The following DGKG variants were observed in gnomAD, a reference collection of about 807,000 sequenced individuals.
DGKG encodes the protein DAG kinase gamma.
In DGKG, 78 loss-of-function variants were observed where a neutral mutation model predicts 105.3. The ratio of observed to expected loss-of-function variants is 0.74; its 90% CI spans 0.62 to 0.89. The LOEUF (loss-of-function observed/expected upper bound fraction) is 0.89. Ranked by LOEUF, DGKG falls within the 40% of genes least tolerant of loss-of-function variation. DGKG has a pLI of 0.00. For synonymous variants in DGKG, 346 were observed against 367.1 expected (o/e 0.94, Z 0.66); for missense variants, 958 against 1,020.1 (o/e 0.94, Z 0.83).
At chr3:186,205,904 A>T (rs1172679794) in intron 21 of DGKG, among the ~76,000 whole-genome samples, 4 of 152,096 alleles carry the variant, frequency 2.6e-5, no homozygotes, top group African/African-American at 4.8e-5. Context: ...AAAAAAATTA[A>T]AAAAATCCTC....
intron 1 of DGKG, among the ~76,000 whole-genome samples, chr3:186,338,090 A>G (rs1403649059): frequency 6.6e-6 from 1 of 150,544 alleles, no homozygotes; most frequent in Non-Finnish European, 1.5e-5. Flanking sequence ...GGATCCCTTG[A>G]GCCCAGGAGA....
At chr3:186,161,169 C>G in intron 24 of DGKG, 2 of 992,142 alleles carry the variant, frequency 2.0e-6, no homozygotes, top group Non-Finnish European at 2.4e-6. Flanking sequence ...GCTACCCTAC[C>G]AAATTCTAGG....
At chr3:186,357,183 A>G (rs4234593) in intron 1 of DGKG, among the ~76,000 whole-genome samples, 147,795 of 152,238 alleles carry the variant, frequency 0.97, 71,783 homozygotes, top group Middle Eastern at 1. Flanking sequence ...CACACTATGG[A>G]TGGGTTCCTT....
At chr3:186,333,773 A>G (rs541821060) in intron 1 of DGKG, among the ~76,000 whole-genome samples, 2 of 152,300 alleles carry the variant, frequency 1.3e-5, no homozygotes, top group South Asian at 4.1e-4. Flanking sequence ...AGCCCTGGGC[A>G]TGAGTATGGG....
intron 10 of DGKG, among the ~76,000 whole-genome samples, chr3:186,274,941 T>C (rs1217561925): frequency 2.0e-5 from 3 of 152,196 alleles, no homozygotes; most frequent in African/African-American, 7.2e-5. Flanking sequence ...TTTCTAGTTC[T>C]AGATCCTTGA....
At chr3:186,299,536 GGAAC>G (rs1723768030) in intron 3 of DGKG, among the ~76,000 whole-genome samples, 1 of 152,118 alleles carries the variant, frequency 6.6e-6, no homozygotes, top group Admixed American at 6.5e-5. Context: ...CCAGATTAGG[GGAAC>G]TCCAAGCAAA....
Position 186,320,548 on chromosome 3 carries a change from T to G in DGKG, c.-89A>C. On this transcript the variant is annotated 5_prime_UTR_variant, in exon 2 of 25. Transcript: ENST00000265022. ...AGGCCCAGCCCAGGGCCTGGCTCAT[T>G]GCAGGTTTGCGATGTAAGCCTTTCA... The G allele has an allele frequency of 1.9e-6, 3 of 1,605,100 alleles. No individual in the cohort carries two copies. The highest frequency in any genetic ancestry group is 1.7e-6 in the Non-Finnish European group (2 of 1,174,860).
At chr3:186,299,293 A>G (rs1723750672) in intron 3 of DGKG, among the ~76,000 whole-genome samples, 1 of 152,212 alleles carries the variant, frequency 6.6e-6, no homozygotes, top group South Asian at 2.1e-4. Flanking sequence ...TGTTGGTAGC[A>G]TTTAACCCCT....
intron 13 of DGKG, 112 bp downstream of exon 13, chr3:186,267,573 C>A: frequency 1.2e-6 from 1 of 817,656 alleles, no homozygotes; most frequent in Non-Finnish European, 2.1e-6. Flanking sequence ...AAAACACAAA[C>A]CCAAAGAGTT....
chr3:186,355,403 TCAC>T (rs148873242), intron 1 of DGKG, among the ~76,000 whole-genome samples: 4,070 of 124,994 alleles, frequency 0.033, 65 homozygotes, highest in Middle Eastern at 0.054. Flanking sequence ...ATCACCACTA[TCAC>T]CACCACCACC....
intron 22 of DGKG, among the ~76,000 whole-genome samples, chr3:186,180,442 A>G (rs1305048602): frequency 6.6e-6 from 1 of 152,158 alleles, no homozygotes; most frequent in East Asian, 1.9e-4. Flanking sequence ...CCCAGTGCAC[A>G]CACCCATAGT....
At chr3:186,193,260 C>T (rs989834361) in intron 21 of DGKG, among the ~76,000 whole-genome samples, 2 of 152,222 alleles carry the variant, frequency 1.3e-5, no homozygotes, top group African/African-American at 4.8e-5. Context: ...GGGTTTAAAT[C>T]TTGGCTCTGT....
intron 22 of DGKG, among the ~76,000 whole-genome samples, chr3:186,185,065 A>T (rs1413853183): frequency 6.6e-6 from 1 of 152,198 alleles, no homozygotes; most frequent in Non-Finnish European, 1.5e-5. Context: ...ACTGAGACCC[A>T]AGAAGGGGAA....
intron 13 of DGKG, among the ~76,000 whole-genome samples, chr3:186,266,863 C>T (rs1553810137): frequency 6.6e-6 from 1 of 152,172 alleles, no homozygotes; most frequent in Non-Finnish European, 1.5e-5. Context: ...TCCCAAAGTG[C>T]CGGGATTACA....
chr3:186,229,824 G>A (rs1720054429), intron 20 of DGKG, among the ~76,000 whole-genome samples: 1 of 152,234 alleles, frequency 6.6e-6, no homozygotes, highest in Non-Finnish European at 1.5e-5. Context: ...ATTTAGTTCA[G>A]TGGATCCTGA....
In DGKG at chr3:186,310,556, A is replaced by G. The variant is rs554361035; in HGVS notation, c.68-3579T>C. Among the ~76,000 whole-genome samples, 13 of 152,324 alleles carry G rather than the reference A, an allele frequency of 8.5e-5. No homozygotes were observed. The South Asian group carries it at 2.7e-3, about 32-fold the overall frequency. On this transcript the variant is annotated intron_variant, in intron 2 of 24. Coordinates refer to ENST00000265022, the MANE Select transcript of DGKG (RefSeq NM_001346.3). ...CATGAGGAGTAAGTAGGTATTATGC[A>G]TGACTAATCTGCTTCAGTGACAGCT...
chr3:186,231,545 G>A lies in DGKG; in HGVS notation c.1826+10959C>T, dbSNP rs1720153319. 6.6e-6 allele frequency among the ~76,000 whole-genome samples: 1 copy of A among 152,186 alleles called. No individual in the cohort carries two copies. Among genetic ancestry groups the A allele is most frequent in the East Asian group, 1.9e-4 (1 of 5,202 alleles). The stretch of plus-strand genomic sequence containing the variant: ...ATGATGGCTACTATTGTTGGTATGG[G>A]TTGGAGCAGGACTGATTACATTGGG... On this transcript the variant is annotated intron_variant, in intron 20 of 24. Transcript: ENST00000265022. The surrounding 1 kb of genome is among the most constrained non-coding windows in gnomAD (Gnocchi z 4.5).
At chr3:186,233,726 G>A (rs1720274182) in intron 20 of DGKG, among the ~76,000 whole-genome samples, 3 of 152,274 alleles carry the variant, frequency 2.0e-5, no homozygotes, top group South Asian at 2.1e-4. Flanking sequence ...CTCGTGATCC[G>A]CCTGCCTCGG....
chr3:186,218,365 G>T (rs957103015), intron 20 of DGKG, among the ~76,000 whole-genome samples: 1 of 151,844 alleles, frequency 6.6e-6, no homozygotes, highest in African/African-American at 2.4e-5. Context: ...TTAGCTGGGC[G>T]TGGTGGTGCA....
Sources: allele counts gnomAD v4.1 joint callset (sites outside exome capture counted in the v4.1 genomes callset), GRCh38; gene constraint gnomAD v4.1.1; non-coding constraint Gnocchi (gnomAD v3.1); transcripts MANE v1.5; gene names NCBI Gene and HGNC (gene_info 2026-07-23, HGNC 2026-07-21).